Variants in RTN1 observed in about 807,000 individuals in gnomAD.
The protein encoded by RTN1 is reticulon-1.
Under a neutral mutation model 65.5 loss-of-function variants are expected in RTN1, and 25 were observed. The observed-to-expected ratio is 0.38, with a 90% CI of 0.28 to 0.53. The LOEUF is 0.53. Ranked by LOEUF, RTN1 falls within the 20% of genes least tolerant of loss-of-function variation. RTN1 has a pLI of 0.79. For synonymous variants in RTN1, 471 were observed against 447.6 expected (o/e 1.05, Z -0.66); for missense variants, 983 against 1,025.4 (o/e 0.96, Z 0.57).
intron 1 of RTN1, among the ~76,000 whole-genome samples, chr14:59,838,855 T>C (rs577830660): frequency 1.3e-5 from 2 of 152,298 alleles, no homozygotes; most frequent in African/African-American, 2.4e-5. Flanking sequence ...ATTAAGATCA[T>C]TGAAATATAG....
chr14:59,596,714 GT>G lies in RTN1; in HGVS notation c.*30del. 1 of 1,560,274 alleles carries G rather than the reference GT, an allele frequency of 6.4e-7. No individual in the cohort carries two copies. The highest frequency in any genetic ancestry group is 8.8e-7 in the Non-Finnish European group (1 of 1,131,022). On this transcript the variant is annotated 3_prime_UTR_variant, in exon 9 of 9. Coordinates refer to ENST00000267484, the MANE Select transcript of RTN1 (RefSeq NM_021136.3). ...AGCTGTTACCACTCCAGACATTCCT[GT>G]TTGTGTCCAGTCCCCGGTGGGAAAT...
At chr14:59,634,353 T>C (rs1334147268) in intron 3 of RTN1, among the ~76,000 whole-genome samples, 1 of 152,204 alleles carries the variant, frequency 6.6e-6, no homozygotes, top group Non-Finnish European at 1.5e-5. Flanking sequence ...AAAAATATAC[T>C]TCATTATGAT....
chr14:59,830,293 C>T (rs1271113806), intron 1 of RTN1, among the ~76,000 whole-genome samples: 2 of 152,198 alleles, frequency 1.3e-5, no homozygotes, highest in African/African-American at 4.8e-5. Flanking sequence ...ATGTTTTGTG[C>T]TGACTCTTCA....
At chr14:59,602,645 G>C (rs982091664) in intron 8 of RTN1, among the ~76,000 whole-genome samples, 1 of 152,176 alleles carries the variant, frequency 6.6e-6, no homozygotes, top group African/African-American at 2.4e-5. Context: ...AGTTTTAAAA[G>C]TAATTTAAAT....
intron 1 of RTN1, among the ~76,000 whole-genome samples, chr14:59,802,736 T>A (rs1257581520): frequency 1.3e-5 from 2 of 152,246 alleles, no homozygotes; most frequent in East Asian, 1.9e-4. Flanking sequence ...GCATCACAGG[T>A]TTTATTTTCC....
In RTN1 at chr14:59,746,195, C is replaced by T. The variant is rs182077696; in HGVS notation, c.528G>A (p.Thr176=). Residue 176 remains threonine, a synonymous_variant, in exon 2 of 9, where the codon ACG becomes ACA. Coordinates refer to ENST00000267484, the MANE Select transcript of RTN1 (RefSeq NM_021136.3). ...GGTCTGCTAAGATCTTGTTCACTTC[C>T]GTGGACTCTGCAGGAGTCATCTCTA... The part of the protein sequence containing the change: ...SGIEMTPAES[T]EVNKILADPL... 3.3e-5 allele frequency: 53 copies of T among 1,610,640 alleles called. No individual in the cohort carries two copies. Among genetic ancestry groups the T allele is most frequent in the Admixed American group, 3.0e-4 (18 of 59,450 alleles).
intron 3 of RTN1, among the ~76,000 whole-genome samples, chr14:59,614,352 T>G (rs1216174150): frequency 6.6e-6 from 1 of 152,184 alleles, no homozygotes; most frequent in East Asian, 1.9e-4. Context: ...AGTCATCCAA[T>G]TAAGAAACTG....
rs1887097878 is a variant in RTN1, at chr14:59,829,995, G to A, written c.241+40395C>T. On this transcript the variant is annotated intron_variant, in intron 1 of 8. Coordinates refer to ENST00000267484, the MANE Select transcript of RTN1 (RefSeq NM_021136.3). This position sits in a 1 kb window ranked among gnomAD's most constrained non-coding sequence, Gnocchi z 4.3. Reference sequence around the variant, plus strand: ...TTTTAAAAAAATAGCATGTATTTTTGGGTTTAGTCTTGTGTGACTTTCTTG... The same window carrying A: ...TTTTAAAAAAATAGCATGTATTTTTAGGTTTAGTCTTGTGTGACTTTCTTG... Among the ~76,000 whole-genome samples, 1 of 152,104 alleles carries A rather than the reference G, an allele frequency of 6.6e-6. No individual in the cohort carries two copies. The highest frequency in any genetic ancestry group is 2.1e-4 in the South Asian group (1 of 4,824).
intron 3 of RTN1, among the ~76,000 whole-genome samples, chr14:59,721,142 G>T (rs1884638580): frequency 6.6e-6 from 1 of 152,124 alleles, no homozygotes; most frequent in Non-Finnish European, 1.5e-5. Flanking sequence ...CTAGACAGAT[G>T]AAAATCTATT....
At chr14:59,860,985 T>C (rs540419421) in intron 1 of RTN1, among the ~76,000 whole-genome samples, 11 of 152,290 alleles carry the variant, frequency 7.2e-5, no homozygotes, top group African/African-American at 2.6e-4. Flanking sequence ...AGAAGAGACT[T>C]CCTTGTCTCA....
At chr14:59,640,051 G>A (rs1242532487) in intron 3 of RTN1, among the ~76,000 whole-genome samples, 2 of 151,978 alleles carry the variant, frequency 1.3e-5, no homozygotes, top group Non-Finnish European at 2.9e-5. Flanking sequence ...GGTTTATACT[G>A]GCCTCACAAA....
intron 1 of RTN1, among the ~76,000 whole-genome samples, chr14:59,844,987 G>A (rs1050081981): frequency 2.6e-5 from 4 of 152,150 alleles, no homozygotes; most frequent in Non-Finnish European, 4.4e-5. Flanking sequence ...TCAACTTATA[G>A]TCAACCAGTA....
At position 59,870,071 on chromosome 14, in the gene RTN1, G is replaced by C. The variant is rs976517079; in HGVS notation, c.241+319C>G. On this transcript the variant is annotated intron_variant, in intron 1 of 8. Transcript: ENST00000267484. This position sits in a 1 kb window ranked among gnomAD's most constrained non-coding sequence, Gnocchi z 5.1. ...CAGCTCGGAGCCTCCTGGCAGGAGGGAGAAACTTGTACCCAGACTCGCCAG... is the reference window on the plus strand; with the variant it reads ...CAGCTCGGAGCCTCCTGGCAGGAGGCAGAAACTTGTACCCAGACTCGCCAG... 6.6e-6 allele frequency among the ~76,000 whole-genome samples: 1 copy of C among 152,224 alleles called. No homozygotes were observed. The highest frequency in any genetic ancestry group is 6.5e-5 in the Admixed American group (1 of 15,288).
chr14:59,833,018 C>A (rs942421970), intron 1 of RTN1, among the ~76,000 whole-genome samples: 1 of 152,146 alleles, frequency 6.6e-6, no homozygotes, highest in African/African-American at 2.4e-5. Flanking sequence ...TTCCCAGAGG[C>A]GATAAATGGT....
intron 3 of RTN1, among the ~76,000 whole-genome samples, chr14:59,681,607 C>T (rs935157091): frequency 2.6e-5 from 4 of 152,140 alleles, no homozygotes; most frequent in Non-Finnish European, 5.9e-5. Flanking sequence ...ACATGGGTAC[C>T]ACCAGCTCTG....
intron 3 of RTN1, among the ~76,000 whole-genome samples, chr14:59,693,810 T>C (rs1566687790): frequency 6.6e-6 from 1 of 152,226 alleles, no homozygotes; most frequent in Non-Finnish European, 1.5e-5. Context: ...TGTCTTATCA[T>C]GTTTGAGACA....
intron 3 of RTN1, among the ~76,000 whole-genome samples, chr14:59,717,638 C>A (rs1884564634): frequency 6.6e-6 from 1 of 152,156 alleles, no homozygotes. Flanking sequence ...GGTAGCATCC[C>A]CTGGATGAGC....
chr14:59,678,037 A>G (rs951600145), intron 3 of RTN1, among the ~76,000 whole-genome samples: 1 of 152,176 alleles, frequency 6.6e-6, no homozygotes, highest in African/African-American at 2.4e-5. Flanking sequence ...ATAAATAGTC[A>G]AAGCTATTTA....
intron 3 of RTN1, among the ~76,000 whole-genome samples, chr14:59,706,294 C>A (rs975812443): frequency 6.6e-6 from 1 of 152,172 alleles, no homozygotes; most frequent in African/African-American, 2.4e-5. Flanking sequence ...CCACTAAAAT[C>A]CCCTAAAAAC....
Sources: gnomAD v4.1 joint callset for allele counts (sites outside exome capture counted in the v4.1 genomes callset) on GRCh38, gnomAD v4.1.1 for gene constraint, Gnocchi (gnomAD v3.1) non-coding constraint, MANE v1.5 for transcripts, NCBI Gene and HGNC (gene_info 2026-07-23, HGNC 2026-07-21) for gene names.